Variants in IPO7 observed in about 807,000 individuals in gnomAD.
IPO7 encodes importin 7, also known as importin-7.
Under a neutral mutation model 136.4 loss-of-function variants are expected in IPO7, and 13 were observed. That is an observed-to-expected ratio of 0.10 (90% CI 0.06 to 0.15). IPO7 has a LOEUF of 0.15. Ranked by LOEUF, IPO7 falls within the 10% of genes least tolerant of loss-of-function variation. The pLI is 1.00. For missense variants in IPO7, 857 were observed against 1,240.6 expected (o/e 0.69, Z 4.65); for synonymous variants, 403 against 404.4 (o/e 1.00, Z 0.04).
chr11:9,413,129 C>T (rs750370006), intron 4 of IPO7, among the ~76,000 whole-genome samples: 1 of 152,096 alleles, frequency 6.6e-6, no homozygotes, highest in Non-Finnish European at 1.5e-5. Context: ...CCTCCCGCCT[C>T]GGCCTCCCAA....
In IPO7 at chr11:9,408,550, T is replaced by C. The variant is rs202212243; in HGVS notation, c.231T>C (p.Asp77=). 1 of 1,608,064 alleles carries C rather than the reference T, an allele frequency of 6.2e-7. No individual in the cohort carries two copies. The highest frequency in any genetic ancestry group is 2.2e-5 in the East Asian group (1 of 44,762). ...CTGATCGAGAAACAGCACCAGGGGA[T>C]ATATCCCCTTATACTATTCCAGAAG... ...YWPDRETAPG[D]ISPYTIPEED... Residue 77 remains aspartate, a synonymous_variant, in exon 3 of 25, where the codon GAT becomes GAC. Transcript: ENST00000379719.
intron 12 of IPO7, among the ~76,000 whole-genome samples, chr11:9,425,513 GGGGGATCACCTGA>G (rs1462702277): frequency 5.3e-4 from 80 of 152,264 alleles, no homozygotes; most frequent in Non-Finnish European, 5.6e-4. Context: ...GGCCAGGGCG[GGGGGATCACCTGA>G]GGTCAGCAGT....
At chr11:9,407,470 G>T (rs1448317003) in intron 2 of IPO7, among the ~76,000 whole-genome samples, 1 of 152,054 alleles carries the variant, frequency 6.6e-6, no homozygotes, top group Non-Finnish European at 1.5e-5. Context: ...AAGGAGAATC[G>T]CTTGAACTAG....
intron 8 of IPO7, among the ~76,000 whole-genome samples, chr11:9,421,221 A>G (rs1053215026): frequency 1.1e-4 from 17 of 151,040 alleles, no homozygotes; most frequent in Non-Finnish European, 2.5e-4. Context: ...TTGGCCTCCC[A>G]AAGTGCTGGG....
intron 12 of IPO7, among the ~76,000 whole-genome samples, chr11:9,426,695 A>T (rs961379240): frequency 6.6e-6 from 1 of 152,126 alleles, no homozygotes; most frequent in African/African-American, 2.4e-5. Context: ...ATCCGTTTGT[A>T]TATTTTCTTT....
chr11:9,392,738 C>T (rs1217012479), intron 1 of IPO7, among the ~76,000 whole-genome samples: 1 of 151,958 alleles, frequency 6.6e-6, no homozygotes, highest in Non-Finnish European at 1.5e-5. Context: ...CATCTGAGGT[C>T]AGGCGTTTAA....
At chr11:9,406,104 C>CT (rs71062847) in intron 2 of IPO7, among the ~76,000 whole-genome samples, 43,561 of 61,568 alleles carry the variant, frequency 0.71, 20,086 homozygotes, top group Non-Finnish European at 0.77. Context: ...TGAGGCTGGT[C>CT]TTTTTTTTTT....
rs1207052139 is a variant in IPO7 at position 9,447,893 on chromosome 11, G to C, written c.*2699G>C. Reference sequence around the variant, plus strand: ...CAACTCTGGAAGAGACTAGAGTATAGAGCATGAGTGGCAAAACCACAGCCC... The same window carrying C: ...CAACTCTGGAAGAGACTAGAGTATACAGCATGAGTGGCAAAACCACAGCCC... On this transcript the variant is annotated 3_prime_UTR_variant, in exon 25 of 25. Coordinates refer to ENST00000379719, the MANE Select transcript of IPO7 (RefSeq NM_006391.3). 1 of 152,186 alleles carries C rather than the reference G, an allele frequency of 6.6e-6. No homozygotes were observed. The highest frequency in any genetic ancestry group is 1.5e-5 in the Non-Finnish European group (1 of 68,040). 9.4% of individuals were successfully genotyped at this position (152,186 alleles called of 1,614,324 possible).
At chr11:9,396,584 C>T (rs750828345) in intron 1 of IPO7, among the ~76,000 whole-genome samples, 1 of 152,152 alleles carries the variant, frequency 6.6e-6, no homozygotes, top group Non-Finnish European at 1.5e-5. Flanking sequence ...CATTCCGCCC[C>T]GACCCCATTC....
In IPO7 at chr11:9,399,923, C is replaced by A. The variant is rs569822411; in HGVS notation, c.85-3367C>A. On this transcript the variant is annotated intron_variant, in intron 1 of 24. Transcript: ENST00000379719. ...GTATTAGGGGATCCTCCTTTTGATT[C>A]TTCAATACTGTTACTTCTTCCATTA... is the stretch of plus-strand genomic sequence containing the variant. 1.1e-4 allele frequency among the ~76,000 whole-genome samples: 16 copies of A among 152,206 alleles called. No homozygotes were observed. The East Asian group carries it at 3.1e-3, about 29-fold the overall frequency.
chr11:9,421,150 G>A (rs187149889), intron 8 of IPO7, among the ~76,000 whole-genome samples: 2,185 of 151,344 alleles, frequency 0.014, 50 homozygotes, highest in African/African-American at 0.05. Context: ...TAGTAGAGAC[G>A]GGTTTTCTCC....
rs1235449081 is a variant in IPO7 at position 9,446,338 on chromosome 11, G to T, written c.*1144G>T. 1 of 152,076 alleles carries T rather than the reference G, an allele frequency of 6.6e-6. No homozygotes were observed. The highest frequency in any genetic ancestry group is 1.5e-5 in the Non-Finnish European group (1 of 68,016). The allele number at this position is 152,076 out of a possible 1,614,324, so 9.4% of individuals were successfully genotyped here. ...TACAAAATGCACACTTTACAAAATTGATATTTAACACTTACCCACTCCCCT... is the reference window on the plus strand; with the variant it reads ...TACAAAATGCACACTTTACAAAATTTATATTTAACACTTACCCACTCCCCT... On this transcript the variant is annotated 3_prime_UTR_variant, in exon 25 of 25. Coordinates refer to ENST00000379719, the MANE Select transcript of IPO7 (RefSeq NM_006391.3).
Position 9,432,989 on chromosome 11 carries a change from G to GTTTTTTTTTGTTT in IPO7, c.1882-572_1882-571insGTTTTTTTTTTTT. 1.6e-5 allele frequency: 2 copies of GTTTTTTTTTGTTT among 123,226 alleles called. 1 individual carries two copies. Among genetic ancestry groups the GTTTTTTTTTGTTT allele is most frequent in the Non-Finnish European group, 3.5e-5 (2 of 57,688 alleles). 7.6% of individuals were successfully genotyped at this position (123,226 alleles called of 1,614,324 possible). ...TAACAGATGGGCTATCTTCCAAATG[G>GTTTTTTTTTGTTT]TTTTTTTTTTTTTTTTGAGATGGAG... On this transcript the variant is annotated intron_variant, in intron 16 of 24. Coordinates refer to ENST00000379719, the MANE Select transcript of IPO7 (RefSeq NM_006391.3).
intron 22 of IPO7, among the ~76,000 whole-genome samples, chr11:9,439,560 G>A (rs1855430933): frequency 6.6e-6 from 1 of 151,920 alleles, no homozygotes; most frequent in Non-Finnish European, 1.5e-5. Context: ...AGATTTATGG[G>A]GGTTTTTTTT....
rs1242201895 is a variant in IPO7 at position 9,436,863 on chromosome 11, TATATA to T, written c.2268+498_2268+502del. On this transcript the variant is annotated intron_variant, in intron 20 of 24. Transcript: ENST00000379719. ...GATTTTATATATATATATATATATA[TATATA>T]TTTTTTTTTTTTTTTTTTTTTTTTT... Among the ~76,000 whole-genome samples the T allele has an allele frequency of 1.2e-3, 23 of 19,242 alleles. 1 individual carries two copies. Among genetic ancestry groups the T allele is most frequent in the African/African-American group, 2.6e-3 (16 of 6,038 alleles). 12.6% of individuals were successfully genotyped at this position (19,242 alleles called of 152,430 possible).
intron 8 of IPO7, among the ~76,000 whole-genome samples, chr11:9,421,843 C>T (rs1855135919): frequency 6.6e-6 from 1 of 151,962 alleles, no homozygotes; most frequent in Admixed American, 6.6e-5. Context: ...GCTTGGGAGG[C>T]TGAGGCAAGA....
At chr11:9,420,293 TCA>T in intron 6 of IPO7, 116 bp from the exon 7 acceptor site, 1 of 635,252 alleles carries the variant, frequency 1.6e-6, no homozygotes, top group Non-Finnish European at 2.7e-6. Context: ...AGACTCCATC[TCA>T]AAAAAAAAAA....
intron 20 of IPO7, among the ~76,000 whole-genome samples, chr11:9,437,149 A>T (rs1855387959): frequency 6.6e-6 from 1 of 151,316 alleles, no homozygotes; most frequent in African/African-American, 2.4e-5. Flanking sequence ...GACTCCCAAA[A>T]GTGCTGGGAT....
intron 8 of IPO7, among the ~76,000 whole-genome samples, chr11:9,421,999 G>A (rs1331404284): frequency 1.3e-5 from 2 of 151,870 alleles, no homozygotes; most frequent in Non-Finnish European, 2.9e-5. Flanking sequence ...CAGTGACTTG[G>A]CCGGGCGCGG....
Sources: allele counts gnomAD v4.1 joint callset (sites outside exome capture counted in the v4.1 genomes callset), GRCh38; gene constraint gnomAD v4.1.1; transcripts MANE v1.5; gene names NCBI Gene and HGNC (gene_info 2026-07-23, HGNC 2026-07-21).